The following RICTOR variants were observed in gnomAD, a reference collection of about 807,000 sequenced individuals.
RICTOR encodes RPTOR independent companion of MTOR complex 2, also known as rapamycin-insensitive companion of mTOR.
A neutral mutation model predicts 214.9 loss-of-function variants in RICTOR; 49 were observed. That is an observed-to-expected ratio of 0.23 (90% CI 0.18 to 0.29). The LOEUF (loss-of-function observed/expected upper bound fraction) is 0.29, where lower values mean the gene tolerates loss of function less well. Ranked by LOEUF, RICTOR falls within the 10% of genes least tolerant of loss-of-function variation. The pLI is 1.00. For missense variants in RICTOR, 1,625 were observed against 2,047.0 expected, an observed-to-expected ratio of 0.79 and a Z score of 3.98; for synonymous variants, 717 against 711.3, an observed-to-expected ratio of 1.01 and a Z score of -0.13.
chr5:38,955,333 G>A (rs1749163080), intron 26 of RICTOR, among the ~76,000 whole-genome samples: 2 of 151,930 alleles, frequency 1.3e-5, no homozygotes, highest in Admixed American at 1.3e-4. Flanking sequence ...TGTTCAACCT[G>A]TAACAGTTTA....
chr5:39,044,556 C>T (rs898371128), intron 2 of RICTOR, among the ~76,000 whole-genome samples: 1 of 152,006 alleles, frequency 6.6e-6, no homozygotes, highest in African/African-American at 2.4e-5. Flanking sequence ...TATCTACTTC[C>T]CAAACTCTGA....
chr5:38,966,063 T>C (rs1033257299), intron 15 of RICTOR, among the ~76,000 whole-genome samples: 2 of 152,018 alleles, frequency 1.3e-5, no homozygotes, highest in African/African-American at 4.8e-5. Context: ...TAGCTCCTAC[T>C]TTCCAAAAGT....
chr5:38,959,445 TG>T, intron 21 of RICTOR, 124 bp from the exon 22 acceptor site: 1 of 642,938 alleles, frequency 1.6e-6, no homozygotes, highest in Non-Finnish European at 2.6e-6. Flanking sequence ...TTATTCAAAG[TG>T]TATAACTTGA....
At chr5:38,966,477 C>T (rs914703322) in intron 15 of RICTOR, among the ~76,000 whole-genome samples, 164 bp downstream of exon 15, 5 of 152,240 alleles carry the variant, frequency 3.3e-5, no homozygotes, top group African/African-American at 1.2e-4. Flanking sequence ...ACATATCTAT[C>T]TCAGGATACA....
intron 29 of RICTOR, 31 bp from the exon 30 acceptor site, chr5:38,952,456 A>G (rs1748877563): frequency 2.1e-6 from 3 of 1,413,404 alleles, no homozygotes; most frequent in Admixed American, 1.7e-5. Context: ...AAAAACAGTT[A>G]TAATTCCAAG....
rs1476697011 is a variant in RICTOR at position 38,940,246 on chromosome 5, T to G, written c.*2058A>C. 9.6e-6 allele frequency: 2 copies of G among 208,540 alleles called. No homozygotes were observed. The highest frequency in any genetic ancestry group is 1.9e-5 in the Non-Finnish European group (2 of 104,312). The allele number at this position is 208,540 out of a possible 1,614,324, so 12.9% of individuals were successfully genotyped here. A position where few individuals can be genotyped will look rare whatever the true frequency, so the allele number is the denominator to read the frequency against. On this transcript the variant is annotated 3_prime_UTR_variant, in exon 38 of 38. Coordinates refer to ENST00000357387, the MANE Select transcript of RICTOR (RefSeq NM_152756.5). ...GGGATAGTGATGGTGGGGGAGGGGG[T>G]GTGTGTGTGTGTAAGACAAAAAAAA...
intron 2 of RICTOR, among the ~76,000 whole-genome samples, chr5:39,046,064 T>C (rs1430859932): frequency 6.6e-6 from 1 of 150,934 alleles, no homozygotes; most frequent in East Asian, 1.9e-4. Flanking sequence ...AATAAATAAA[T>C]GCTGGCCAGG....
rs1750337344 is a variant in RICTOR, at chr5:38,967,510, G to A, written c.1061-83C>T. On this transcript the variant is annotated intron_variant, in intron 12 of 37. Coordinates refer to ENST00000357387, the MANE Select transcript of RICTOR (RefSeq NM_152756.5). ...AAGTATAAAACCATCAGCTAGCCAG[G>A]CTATAAAGAACTTTAAAAAGTGCTG... 2.9e-6 allele frequency: 3 copies of A among 1,042,026 alleles called. No individual in the cohort carries two copies. In the Admixed American group the frequency reaches 6.9e-5, roughly 24 times the overall value. The allele number at this position is 1,042,026 out of a possible 1,614,324, so 64.5% of individuals were successfully genotyped here.
At chr5:39,050,428 C>G (rs916103924) in intron 2 of RICTOR, among the ~76,000 whole-genome samples, 1 of 152,042 alleles carries the variant, frequency 6.6e-6, no homozygotes, top group Non-Finnish European at 1.5e-5. Flanking sequence ...CCTCCACCTC[C>G]TGGGTTCAAG....
intron 3 of RICTOR, among the ~76,000 whole-genome samples, chr5:39,007,951 C>T (rs1754206303): frequency 6.6e-6 from 1 of 150,654 alleles, no homozygotes. Flanking sequence ...GATCAAGATC[C>T]ACTTTTGGAG....
At chr5:38,975,717 C>G (rs1751168454) in intron 9 of RICTOR, 113 bp from the exon 10 acceptor site, 2 of 739,334 alleles carry the variant, frequency 2.7e-6, no homozygotes, top group Non-Finnish European at 4.6e-6. Context: ...AACATTTACA[C>G]ATAAAATTAA....
chr5:38,964,990 C>G, intron 15 of RICTOR, 98 bp from the exon 16 acceptor site: 1 of 607,380 alleles, frequency 1.6e-6, no homozygotes, highest in South Asian at 2.8e-5. Flanking sequence ...AAGACTATTA[C>G]AAATTCTGAG....
At chr5:39,068,327 A>T (rs544660637) in intron 2 of RICTOR, among the ~76,000 whole-genome samples, 37 of 152,318 alleles carry the variant, frequency 2.4e-4, no homozygotes, top group African/African-American at 7.9e-4. Flanking sequence ...ACGGAGAAAG[A>T]GGTGGAATGG....
At chr5:39,023,403 T>G (rs1580125816) in intron 2 of RICTOR, among the ~76,000 whole-genome samples, 2 of 150,850 alleles carry the variant, frequency 1.3e-5, no homozygotes, top group East Asian at 3.9e-4. Context: ...CAGAAGACAA[T>G]GAAGCAACAT....
At chr5:39,040,069 A>C (rs1041251593) in intron 2 of RICTOR, among the ~76,000 whole-genome samples, 45 of 152,202 alleles carry the variant, frequency 3.0e-4, no homozygotes, top group Non-Finnish European at 5.6e-4. Context: ...AACCAAGCCA[A>C]ATGTCCAACA....
chr5:38,988,270 C>T (rs963074200), intron 7 of RICTOR, among the ~76,000 whole-genome samples: 2 of 152,016 alleles, frequency 1.3e-5, no homozygotes, highest in African/African-American at 2.4e-5. Flanking sequence ...TCTGTCTCGT[C>T]GATCTAATAT....
chr5:38,959,984 A>G lies in RICTOR; in HGVS notation c.1852-6T>C, dbSNP rs1749649046. 1 of 1,563,512 alleles carries G rather than the reference A, an allele frequency of 6.4e-7. No homozygotes were observed. The highest frequency in any genetic ancestry group is 2.2e-5 in the East Asian group (1 of 44,558). On this transcript the variant is annotated splice_region_variant and splice_polypyrimidine_tract_variant and intron_variant, in intron 20 of 37. Coordinates refer to ENST00000357387, the MANE Select transcript of RICTOR (RefSeq NM_152756.5). Reference sequence around the variant, plus strand: ...TCTAAGTAGCCTTGCCCATCCTAAAAGTAAATACATTGTGATATTGTGAGA... The same window carrying G: ...TCTAAGTAGCCTTGCCCATCCTAAAGGTAAATACATTGTGATATTGTGAGA...
chr5:38,962,768 C>G (rs921902221), intron 17 of RICTOR, 108 bp downstream of exon 17: 3 of 960,762 alleles, frequency 3.1e-6, no homozygotes, highest in Non-Finnish European at 4.8e-6. Context: ...TCTGAAAATT[C>G]ATATGCATGA....
At chr5:38,979,424 T>C (rs918804196) in intron 8 of RICTOR, among the ~76,000 whole-genome samples, 4 of 152,244 alleles carry the variant, frequency 2.6e-5, no homozygotes, top group African/African-American at 9.6e-5. Flanking sequence ...CAGTCATGAT[T>C]CTTTTAAATC....
Sources: allele counts gnomAD v4.1 joint callset (sites outside exome capture counted in the v4.1 genomes callset), GRCh38; gene constraint gnomAD v4.1.1; transcripts MANE v1.5; gene names NCBI Gene and HGNC (gene_info 2026-07-23, HGNC 2026-07-21).